The following FNIP1 variants were observed in gnomAD, a reference collection of about 807,000 sequenced individuals.
FNIP1 encodes folliculin interacting protein 1.
FNIP1 carries 40 observed loss-of-function variants against 124.5 expected under a neutral mutation model. The observed-to-expected ratio is 0.32, with a 90% CI of 0.25 to 0.42. FNIP1 has a LOEUF of 0.42. FNIP1 is among the 10% of genes least tolerant of loss of function. The probability of loss-of-function intolerance (pLI) is 1.00; values close to 1 mark genes in which losing one functional copy is unlikely to be tolerated. For missense variants in FNIP1, 1,176 were observed against 1,403.7 expected, an observed-to-expected ratio of 0.84 and a Z score of 2.59; for synonymous variants, 472 against 470.6, an observed-to-expected ratio of 1.00 and a Z score of -0.04.
intron 1 of FNIP1, among the ~76,000 whole-genome samples, chr5:131,757,960 A>T (rs775165381): frequency 6.6e-6 from 1 of 152,224 alleles, no homozygotes; most frequent in Non-Finnish European, 1.5e-5. Context: ...CTGGGAAGAC[A>T]TGTGTACTTC....
intron 10 of FNIP1, among the ~76,000 whole-genome samples, chr5:131,699,912 G>A (rs1462650652): frequency 5.7e-5 from 2 of 34,858 alleles, no homozygotes; most frequent in African/African-American, 1.3e-4. Flanking sequence ...GAGTAAGACT[G>A]TTTCAAAAAA....
intron 2 of FNIP1, among the ~76,000 whole-genome samples, chr5:131,736,578 C>T (rs1223393418): frequency 1.3e-5 from 2 of 152,224 alleles, no homozygotes. Flanking sequence ...GCATTACCGC[C>T]TGCACTCCAC....
intron 3 of FNIP1, among the ~76,000 whole-genome samples, chr5:131,724,918 T>C (rs533906676): frequency 6.6e-6 from 1 of 152,366 alleles, no homozygotes; most frequent in African/African-American, 2.4e-5. Context: ...TTTCTGCATA[T>C]GGCTAGCCAG....
At chr5:131,716,260 TTTC>T (rs1201897302) in intron 6 of FNIP1, among the ~76,000 whole-genome samples, 1 of 152,144 alleles carries the variant, frequency 6.6e-6, no homozygotes, top group Non-Finnish European at 1.5e-5. Context: ...ACTAAGGGCT[TTTC>T]TTATCACTGA....
At chr5:131,733,237 G>A (rs531196110) in intron 2 of FNIP1, among the ~76,000 whole-genome samples, 6 of 152,248 alleles carry the variant, frequency 3.9e-5, no homozygotes, top group African/African-American at 1.4e-4. Context: ...GGGCTGAGAC[G>A]AGGGGTGTTC....
chr5:131,731,752 T>C (rs1561679181), intron 2 of FNIP1, among the ~76,000 whole-genome samples: 2 of 152,140 alleles, frequency 1.3e-5, no homozygotes, highest in Non-Finnish European at 2.9e-5. Flanking sequence ...TTATCAATAT[T>C]TTCCCATATT....
rs537198950 is a variant in FNIP1, at chr5:131,660,085, C to T, written c.3109-8086G>A. Reference sequence around the variant, plus strand: ...ACCTTCCACATGCCAGAGCCATTGTCGACGACAAGCACAGCAATATCATTA... The same window carrying T: ...ACCTTCCACATGCCAGAGCCATTGTTGACGACAAGCACAGCAATATCATTA... On this transcript the variant is annotated intron_variant, in intron 15 of 17. Coordinates refer to ENST00000510461, the MANE Select transcript of FNIP1 (RefSeq NM_133372.3). Among the ~76,000 whole-genome samples, 6 of 152,228 alleles carry T rather than the reference C, an allele frequency of 3.9e-5. No homozygotes were observed. In the South Asian group the frequency reaches 1.0e-3, roughly 26 times the overall value.
At position 131,677,709 on chromosome 5, in the gene FNIP1, G is replaced by C. The variant is rs1767951150; in HGVS notation, c.1513C>G (p.Gln505Glu). 6.2e-7 allele frequency: 1 copy of C among 1,613,076 alleles called. No homozygotes were observed. The highest frequency in any genetic ancestry group is 8.5e-7 in the Non-Finnish European group (1 of 1,179,250). ...KTHPYNPLWA[Q>E]LGDLYGAIGS... ...CAGTTGTCAGATTACATACCCAGTT[G>C]TGCCCAAAGTGGGTTATATGGATGA... The change falls in exon 13 of 18, where the codon CAA (glutamine) becomes GAA (glutamate). Residue 505 changes from glutamine (Q) to glutamate (E), a missense_variant. Physicochemically the swap from Gln to Glu is conservative, Grantham distance 29 (BLOSUM62 2). Transcript: ENST00000510461.
intron 3 of FNIP1, among the ~76,000 whole-genome samples, chr5:131,722,256 A>G (rs2149544347): frequency 6.6e-6 from 1 of 152,270 alleles, no homozygotes; most frequent in South Asian, 2.1e-4. Flanking sequence ...AAGATAAGGG[A>G]ACCATGGTCT....
chr5:131,784,027 A>G (rs927476764), intron 1 of FNIP1, among the ~76,000 whole-genome samples: 4 of 151,378 alleles, frequency 2.6e-5, no homozygotes, highest in Non-Finnish European at 5.9e-5. Context: ...AAAAAGAAGG[A>G]AAAACAAAAG....
chr5:131,742,140 T>C lies in FNIP1; in HGVS notation c.219+2424A>G, dbSNP rs184982585. ...AACTCATGGCGACATTATGTTCTAA[T>C]TTTTTTAAAAAGAATGTTTTCAATA... is the stretch of plus-strand genomic sequence containing the variant. On this transcript the variant is annotated intron_variant, in intron 2 of 17. Transcript: ENST00000510461. Among the ~76,000 whole-genome samples, 12 of 152,300 alleles carry C rather than the reference T, an allele frequency of 7.9e-5. No homozygotes were observed. The East Asian group carries it at 2.1e-3, about 27-fold the overall frequency.
Position 131,704,132 on chromosome 5 carries a change from T to A in FNIP1, c.1049A>T (p.Glu350Val), listed in dbSNP as rs1768994464. 1.2e-6 allele frequency: 2 copies of A among 1,612,948 alleles called. No homozygotes were observed. The highest frequency in any genetic ancestry group is 1.7e-6 in the Non-Finnish European group (2 of 1,179,184). Reference sequence around the variant, plus strand: ...GAGAGGAAAATGTGAAAAAAAGAATTCATTAAATTTGTTATTTTCATCTTC... The same window carrying A: ...GAGAGGAAAATGTGAAAAAAAGAATACATTAAATTTGTTATTTTCATCTTC... ...KDEDENNKFN[E>V]FFFSHFPLFE... is the part of the protein sequence containing the mutation. The change falls in exon 10 of 18, where the codon GAA (glutamate) becomes GTA (valine). Residue 350 changes from glutamate to valine, a missense_variant. Coordinates refer to ENST00000510461, the MANE Select transcript of FNIP1 (RefSeq NM_133372.3).
intron 10 of FNIP1, 49 bp downstream of exon 10, chr5:131,704,016 G>T: frequency 7.1e-7 from 1 of 1,405,442 alleles, no homozygotes; most frequent in South Asian, 1.3e-5. Flanking sequence ...GCTTAATTGG[G>T]AGAATAAGAT....
intron 13 of FNIP1, among the ~76,000 whole-genome samples, chr5:131,673,187 A>C (rs755475791): frequency 6.6e-6 from 1 of 151,496 alleles, no homozygotes; most frequent in Non-Finnish European, 1.5e-5. Flanking sequence ...AGCTGGGACT[A>C]TAAGCGCGTG....
intron 15 of FNIP1, among the ~76,000 whole-genome samples, chr5:131,656,712 G>C (rs1028398221): frequency 6.6e-5 from 10 of 152,204 alleles, no homozygotes. Flanking sequence ...AGGACAAAAG[G>C]TATCTGCCTG....
intron 4 of FNIP1, 28 bp from the exon 5 acceptor site, chr5:131,719,088 C>A: frequency 6.3e-7 from 1 of 1,593,320 alleles, no homozygotes; most frequent in African/African-American, 1.3e-5. Flanking sequence ...AAGAGAGAGA[C>A]CAAAACTAAA....
chr5:131,654,727 T>C lies in FNIP1; in HGVS notation c.3109-2728A>G, dbSNP rs1429571180. Among the ~76,000 whole-genome samples, 4 of 152,172 alleles carry C rather than the reference T, an allele frequency of 2.6e-5. No individual in the cohort carries two copies. The East Asian group carries it at 7.7e-4, about 29-fold the overall frequency. ...CATTGAAGTGTATAGATAGGACTAC[T>C]GGTGAAAAAAATGGGAGAAGAACAT... On this transcript the variant is annotated intron_variant, in intron 15 of 17. Coordinates refer to ENST00000510461, the MANE Select transcript of FNIP1 (RefSeq NM_133372.3).
intron 1 of FNIP1, among the ~76,000 whole-genome samples, chr5:131,748,678 CAG>C (rs1770766497): frequency 1.8e-5 from 2 of 112,966 alleles, no homozygotes; most frequent in South Asian, 6.0e-4. Flanking sequence ...GCCTGGGCGA[CAG>C]AGTGAGACTC....
intron 2 of FNIP1, among the ~76,000 whole-genome samples, chr5:131,740,601 A>C (rs947444854): frequency 6.6e-6 from 1 of 152,222 alleles, no homozygotes; most frequent in African/African-American, 2.4e-5. Context: ...GAATGGATCC[A>C]TTTGGCTATG....
Sources: gnomAD v4.1 joint callset for allele counts (sites outside exome capture counted in the v4.1 genomes callset) on GRCh38, gnomAD v4.1.1 for gene constraint, MANE v1.5 for transcripts, NCBI Gene and HGNC (gene_info 2026-07-23, HGNC 2026-07-21) for gene names.